Variants in ARHGAP24 observed in about 807,000 individuals in gnomAD.
The protein encoded by ARHGAP24 is Rho GTPase activating protein 24.
Under a neutral mutation model 76.4 loss-of-function variants are expected in ARHGAP24, and 50 were observed. That is an observed-to-expected ratio of 0.65 (90% CI 0.52 to 0.83). The LOEUF is 0.83. ARHGAP24 is among the 40% of genes least tolerant of loss of function. The pLI, the probability that ARHGAP24 is intolerant of heterozygous loss-of-function variation, is 0.00. For synonymous variants in ARHGAP24, 345 were observed against 323.3 expected (o/e 1.07, Z -0.72); for missense variants, 930 against 914.2 (o/e 1.02, Z -0.22).
At position 85,529,911 on chromosome 4, in the gene ARHGAP24, A is replaced by T. The variant is rs1028349596; in HGVS notation, c.-20-40611A>T. On this transcript the variant is annotated intron_variant, in intron 1 of 9. Transcript: ENST00000395184. ...CAAATATTGTACTATTTTAAAAAAA[A>T]CTCTTTTCATTTTATTTCTTTTGAG... 6.5e-4 allele frequency among the ~76,000 whole-genome samples: 98 copies of T among 151,582 alleles called. 1 individual carries two copies. Among genetic ancestry groups the T allele is most frequent in the African/African-American group, 2.2e-3 (92 of 41,338 alleles).
intron 3 of ARHGAP24, among the ~76,000 whole-genome samples, chr4:85,772,037 A>G (rs1438668595): frequency 1.3e-5 from 2 of 152,212 alleles, no homozygotes; most frequent in African/African-American, 2.4e-5. Context: ...ATAAAAATAA[A>G]CTGTGGCACT....
In ARHGAP24 at chr4:85,997,628, G is replaced by T. The variant is rs565568590; in HGVS notation, c.2003+1971G>T. 5.4e-4 allele frequency among the ~76,000 whole-genome samples: 82 copies of T among 151,018 alleles called. 1 individual carries two copies. Among genetic ancestry groups the T allele is most frequent in the African/African-American group, 1.9e-3 (79 of 41,160 alleles). On this transcript the variant is annotated intron_variant, in intron 9 of 9. Transcript: ENST00000395184. ...ATATTCTTTTTCCCTCTCCAAATTG[G>T]TTTCTAACTTTTTCTTTTCTTATTT...
intron 5 of ARHGAP24, among the ~76,000 whole-genome samples, chr4:85,948,675 A>G (rs1380621105): frequency 6.6e-6 from 1 of 152,212 alleles, no homozygotes; most frequent in African/African-American, 2.4e-5. Context: ...AAAACGCACC[A>G]ATGCATAAAC....
intron 3 of ARHGAP24, among the ~76,000 whole-genome samples, chr4:85,769,323 A>C (rs950765123): frequency 2.6e-5 from 4 of 152,148 alleles, no homozygotes; most frequent in Admixed American, 1.3e-4. Context: ...GTATCATTGC[A>C]CTTGTTTTTC....
intron 1 of ARHGAP24, among the ~76,000 whole-genome samples, chr4:85,505,110 C>A (rs1723991692): frequency 6.6e-6 from 1 of 152,188 alleles, no homozygotes; most frequent in South Asian, 2.1e-4. Context: ...TGATGGGCTT[C>A]CCTTTGTGAG....
At chr4:85,660,303 C>CTTGGA (rs1319953238) in intron 2 of ARHGAP24, among the ~76,000 whole-genome samples, 1 of 152,108 alleles carries the variant, frequency 6.6e-6, no homozygotes, top group Non-Finnish European at 1.5e-5. Flanking sequence ...ACCAATATTT[C>CTTGGA]TTGGATTTTA....
intron 3 of ARHGAP24, among the ~76,000 whole-genome samples, chr4:85,731,625 T>C (rs1323825797): frequency 6.6e-6 from 1 of 152,180 alleles, no homozygotes. Context: ...CTCTACACGA[T>C]TTTAAAAGTA....
At chr4:85,885,693 C>A (rs1733524614) in intron 3 of ARHGAP24, among the ~76,000 whole-genome samples, 1 of 151,934 alleles carries the variant, frequency 6.6e-6, no homozygotes, top group African/African-American at 2.4e-5. Context: ...TTCTTGGAGT[C>A]CCATCTATTT....
In ARHGAP24 at chr4:85,714,702, C is replaced by CA. The variant is rs553056176; in HGVS notation, c.181-7177dup. Among the ~76,000 whole-genome samples the CA allele has an allele frequency of 1.2e-4, 19 of 152,112 alleles. No individual in the cohort carries two copies. In the South Asian group the frequency reaches 1.7e-3, roughly 13 times the overall value. On this transcript the variant is annotated intron_variant, in intron 2 of 9. Coordinates refer to ENST00000395184, the MANE Select transcript of ARHGAP24 (RefSeq NM_001025616.3). Reference sequence around the variant, plus strand: ...AACAATGCTTAGGTCAGTGTTCTCCCAAAAAATTATGCATCAGAATTACTA... The same window carrying CA: ...AACAATGCTTAGGTCAGTGTTCTCCCAAAAAAATTATGCATCAGAATTACTA...
chr4:85,965,074 T>A (rs1044055673), intron 5 of ARHGAP24, among the ~76,000 whole-genome samples: 2 of 152,074 alleles, frequency 1.3e-5, no homozygotes, highest in Non-Finnish European at 2.9e-5. Flanking sequence ...ACTATATTAG[T>A]CTGTTTTCAT....
intron 1 of ARHGAP24, among the ~76,000 whole-genome samples, chr4:85,483,758 A>G (rs1285266031): frequency 2.0e-5 from 3 of 152,180 alleles, no homozygotes; most frequent in African/African-American, 7.2e-5. Flanking sequence ...TATAACTGTC[A>G]AAAAATAAAT....
At chr4:85,954,082 C>T (rs1276647813) in intron 5 of ARHGAP24, among the ~76,000 whole-genome samples, 3 of 152,256 alleles carry the variant, frequency 2.0e-5, no homozygotes, top group African/African-American at 4.8e-5. Flanking sequence ...GATTGGAAAA[C>T]CCATTTGACC....
At chr4:85,829,453 C>T (rs1729880406) in intron 3 of ARHGAP24, among the ~76,000 whole-genome samples, 1 of 152,206 alleles carries the variant, frequency 6.6e-6, no homozygotes. Flanking sequence ...CTGGGACACT[C>T]TCTTCATGGT....
chr4:85,590,911 G>C (rs1728068611), intron 2 of ARHGAP24, among the ~76,000 whole-genome samples: 1 of 151,390 alleles, frequency 6.6e-6, no homozygotes, highest in South Asian at 2.1e-4. Context: ...AAAAAATAAA[G>C]AGTAGTCAAA....
chr4:85,575,554 C>T lies in ARHGAP24; in HGVS notation c.180+4833C>T, dbSNP rs147850252. ...ACCTATTAGAAAGGATTTTAAAACACATTTGAACTGAATTCATGACAATAT... is the reference window on the plus strand; with the variant it reads ...ACCTATTAGAAAGGATTTTAAAACATATTTGAACTGAATTCATGACAATAT... On this transcript the variant is annotated intron_variant, in intron 2 of 9. Transcript: ENST00000395184. Among the ~76,000 whole-genome samples, 7 of 152,318 alleles carry T rather than the reference C, an allele frequency of 4.6e-5. No individual in the cohort carries two copies. The South Asian group carries it at 8.3e-4, about 18-fold the overall frequency.
intron 1 of ARHGAP24, among the ~76,000 whole-genome samples, chr4:85,527,032 G>T (rs545447870): frequency 1.3e-5 from 2 of 152,150 alleles, no homozygotes; most frequent in East Asian, 3.9e-4. Flanking sequence ...GCAATATCCT[G>T]CACGCTTGAT....
intron 1 of ARHGAP24, among the ~76,000 whole-genome samples, chr4:85,485,861 T>A (rs1021891605): frequency 1.3e-5 from 2 of 151,416 alleles, no homozygotes; most frequent in Non-Finnish European, 2.9e-5. Context: ...GCCTCCCGAG[T>A]AGCTGGGATT....
intron 3 of ARHGAP24, among the ~76,000 whole-genome samples, chr4:85,808,293 G>A (rs999529339): frequency 1.1e-4 from 16 of 152,172 alleles, no homozygotes; most frequent in African/African-American, 3.6e-4. Context: ...CTAGAGAGAT[G>A]TTAACTTACT....
intron 5 of ARHGAP24, among the ~76,000 whole-genome samples, chr4:85,955,946 A>C (rs1048804679): frequency 1.3e-5 from 2 of 152,164 alleles, no homozygotes; most frequent in Non-Finnish European, 2.9e-5. Context: ...CCCTCTTTAC[A>C]CTTTATTCCA....
Sources: allele counts gnomAD v4.1 joint callset (sites outside exome capture counted in the v4.1 genomes callset), GRCh38; gene constraint gnomAD v4.1.1; transcripts MANE v1.5; gene names NCBI Gene and HGNC (gene_info 2026-07-23, HGNC 2026-07-21).